The following SLC13A1 variants were observed in gnomAD, a reference collection of about 807,000 sequenced individuals.
SLC13A1 encodes solute carrier family 13 member 1, also known as Na(+)/sulfate cotransporter.
Under a neutral mutation model 70.0 loss-of-function variants are expected in SLC13A1, and 65 were observed. The observed-to-expected ratio is 0.93, with a 90% CI of 0.76 to 1.14. The LOEUF (loss-of-function observed/expected upper bound fraction) is 1.14. Ranked by LOEUF, SLC13A1 falls within the 50% of genes most tolerant of loss-of-function variation. The pLI, the probability that SLC13A1 is intolerant of heterozygous loss-of-function variation, is 0.00. For missense variants in SLC13A1, 726 were observed against 717.8 expected, an observed-to-expected ratio of 1.01 and a Z score of -0.13; for synonymous variants, 275 against 250.5, an observed-to-expected ratio of 1.10 and a Z score of -0.92.
At chr7:123,175,774 G>T (rs866583198) in intron 2 of SLC13A1, among the ~76,000 whole-genome samples, 1 of 151,990 alleles carries the variant, frequency 6.6e-6, no homozygotes, top group African/African-American at 2.4e-5. Flanking sequence ...AATACTCTGA[G>T]AATTAAATAA....
chr7:123,159,682 C>T lies in SLC13A1; in HGVS notation c.660+8692G>A, dbSNP rs372623112. 2.7e-4 allele frequency among the ~76,000 whole-genome samples: 41 copies of T among 151,670 alleles called. No individual in the cohort carries two copies. The East Asian group carries it at 7.6e-3, about 28-fold the overall frequency. The stretch of plus-strand genomic sequence containing the variant: ...ACCACCCATACAAGTGTGTGTGTAG[C>T]GTGAAATAAAAGAAAATAACTGCAT... On this transcript the variant is annotated intron_variant, in intron 6 of 14. Transcript: ENST00000194130.
intron 1 of SLC13A1, among the ~76,000 whole-genome samples, chr7:123,197,432 A>G (rs1796221719): frequency 6.6e-6 from 1 of 152,162 alleles, no homozygotes; most frequent in Non-Finnish European, 1.5e-5. Flanking sequence ...AAAAGTTAAC[A>G]GTAAATTGAC....
intron 11 of SLC13A1, among the ~76,000 whole-genome samples, chr7:123,124,413 T>G (rs1194806487): frequency 6.6e-6 from 1 of 152,190 alleles, no homozygotes; most frequent in Non-Finnish European, 1.5e-5. Context: ...CAAAGTACAT[T>G]TGTTTCTATG....
At chr7:123,130,263 A>G (rs1368231255) in intron 8 of SLC13A1, among the ~76,000 whole-genome samples, 1 of 152,180 alleles carries the variant, frequency 6.6e-6, no homozygotes, top group African/African-American at 2.4e-5. Flanking sequence ...ATACATGCAT[A>G]CATATGTTCA....
chr7:123,192,228 C>A (rs994549719), intron 1 of SLC13A1, among the ~76,000 whole-genome samples: 1 of 152,114 alleles, frequency 6.6e-6, no homozygotes, highest in Admixed American at 6.6e-5. Context: ...TACCCAGCCC[C>A]CAGTTAAAAA....
intron 11 of SLC13A1, 79 bp downstream of exon 11, chr7:123,125,490 G>T: frequency 1.0e-6 from 1 of 1,004,246 alleles, no homozygotes; most frequent in Non-Finnish European, 1.5e-6. Context: ...TTCTGCTCTA[G>T]GTGCCAAGCG....
intron 7 of SLC13A1, among the ~76,000 whole-genome samples, chr7:123,141,960 C>T (rs1210199640): frequency 6.6e-6 from 1 of 151,976 alleles, no homozygotes. Flanking sequence ...CTTACTCTTG[C>T]CATTTTGTTA....
At chr7:123,158,269 T>C (rs1794779003) in intron 6 of SLC13A1, among the ~76,000 whole-genome samples, 2 of 151,776 alleles carry the variant, frequency 1.3e-5, no homozygotes, top group African/African-American at 4.8e-5. Context: ...AGAGAAGCAA[T>C]TGAAAATATG....
intron 12 of SLC13A1, among the ~76,000 whole-genome samples, chr7:123,120,386 T>C (rs1192731417): frequency 6.6e-6 from 1 of 152,116 alleles, no homozygotes; most frequent in African/African-American, 2.4e-5. Context: ...TCCACACTTC[T>C]AAGCCATTAC....
At chr7:123,143,030 T>C (rs976482523) in intron 7 of SLC13A1, among the ~76,000 whole-genome samples, 6 of 152,132 alleles carry the variant, frequency 3.9e-5, no homozygotes, top group African/African-American at 1.4e-4. Flanking sequence ...GTCCTAAAGC[T>C]AGAGCCTGGA....
chr7:123,163,952 G>A (rs974282250), intron 6 of SLC13A1, among the ~76,000 whole-genome samples: 2 of 151,902 alleles, frequency 1.3e-5, no homozygotes, highest in South Asian at 2.1e-4. Context: ...CACTATTCAA[G>A]ATATTTGTGA....
At chr7:123,141,021 T>G (rs1013082259) in intron 7 of SLC13A1, among the ~76,000 whole-genome samples, 7 of 151,888 alleles carry the variant, frequency 4.6e-5, no homozygotes, top group African/African-American at 1.7e-4. Context: ...AAGTTTTTCT[T>G]TTTTTTTCTG....
intron 2 of SLC13A1, among the ~76,000 whole-genome samples, chr7:123,178,918 A>G (rs1030231485): frequency 1.3e-5 from 2 of 152,180 alleles, no homozygotes; most frequent in African/African-American, 2.4e-5. Context: ...ACTTTTGTGA[A>G]TGTATAAATA....
intron 1 of SLC13A1, among the ~76,000 whole-genome samples, chr7:123,181,517 T>C (rs1169820128): frequency 6.6e-6 from 1 of 152,114 alleles, no homozygotes; most frequent in Non-Finnish European, 1.5e-5. Flanking sequence ...AATGCATTCC[T>C]TGGTGCCTGG....
rs78989719 is a variant in SLC13A1, at chr7:123,180,082, C to T, written c.228+891G>A. Among the ~76,000 whole-genome samples the T allele has an allele frequency of 8.4e-3, 1,277 of 151,940 alleles. 19 individuals carry two copies. Among genetic ancestry groups the T allele is most frequent in the African/African-American group, 0.029 (1,185 of 41,432 alleles). On this transcript the variant is annotated intron_variant, in intron 2 of 14. Transcript: ENST00000194130. ...CAATGGCCATTAGAAAGAAAAGACTCGAAGTTAGGTGGGAGGGGAAAACCC... is the reference window on the plus strand; with the variant it reads ...CAATGGCCATTAGAAAGAAAAGACTTGAAGTTAGGTGGGAGGGGAAAACCC...
chr7:123,145,936 G>A (rs1231454326), intron 7 of SLC13A1, among the ~76,000 whole-genome samples: 3 of 152,082 alleles, frequency 2.0e-5, no homozygotes, highest in African/African-American at 7.2e-5. Flanking sequence ...ACAGAGAGTA[G>A]TTTTCCTGCC....
chr7:123,199,847 C>T lies in SLC13A1; in HGVS notation c.99+1G>A, dbSNP rs764905510. On this transcript the variant is annotated splice_donor_variant, in intron 1 of 14. Transcript: ENST00000194130. LOFTEE classifies it high-confidence loss of function. ...CCAGTCTGTTCTCCAGGTTCACTCACCTTGGTGTGGAGGACGATGGGCAGA... is the reference window on the plus strand; with the variant it reads ...CCAGTCTGTTCTCCAGGTTCACTCATCTTGGTGTGGAGGACGATGGGCAGA... 6.2e-6 allele frequency: 10 copies of T among 1,606,560 alleles called. No individual in the cohort carries two copies. Among genetic ancestry groups the T allele is most frequent in the Admixed American group, 1.7e-5 (1 of 59,766 alleles).
chr7:123,143,762 T>C (rs1168323471), intron 7 of SLC13A1, among the ~76,000 whole-genome samples: 2 of 152,162 alleles, frequency 1.3e-5, no homozygotes. Flanking sequence ...TTGGTGTCCT[T>C]GCACGGGGTA....
intron 14 of SLC13A1, 44 bp from the exon 15 acceptor site, chr7:123,115,699 C>A: frequency 6.2e-7 from 1 of 1,602,798 alleles, no homozygotes; most frequent in Non-Finnish European, 8.5e-7. Flanking sequence ...CAGAAGAAAG[C>A]CTACAGGAGA....
Sources: allele counts gnomAD v4.1 joint callset (sites outside exome capture counted in the v4.1 genomes callset), GRCh38; gene constraint gnomAD v4.1.1; transcripts MANE v1.5; gene names NCBI Gene and HGNC (gene_info 2026-07-23, HGNC 2026-07-21).